RPGRIP1: variants seen among roughly 807,000 people sequenced by gnomAD.
RPGRIP1 encodes RPGR interacting protein 1.
A neutral mutation model predicts 157.9 loss-of-function variants in RPGRIP1; 128 were observed. The ratio of observed to expected loss-of-function variants is 0.81; its 90% confidence interval spans 0.70 to 0.94. The LOEUF (loss-of-function observed/expected upper bound fraction) is 0.94. RPGRIP1 is among the 40% of genes least tolerant of loss of function. RPGRIP1 has a pLI of 0.00. For synonymous variants in RPGRIP1, 554 were observed against 571.6 expected, an observed-to-expected ratio of 0.97 and a Z score of 0.44; for missense variants, 1,486 against 1,545.8, an observed-to-expected ratio of 0.96 and a Z score of 0.65.
chr14:21,335,550 G>A (rs961609927), intron 21 of RPGRIP1, among the ~76,000 whole-genome samples: 1 of 152,136 alleles, frequency 6.6e-6, no homozygotes, highest in African/African-American at 2.4e-5. Context: ...AGAAAAAAAA[G>A]CCGGTTGCGG....
chr14:21,345,868 G>A (rs1433334825), intron 23 of RPGRIP1, among the ~76,000 whole-genome samples: 4 of 151,170 alleles, frequency 2.6e-5, no homozygotes, highest in East Asian at 2.0e-4. Flanking sequence ...TGTCCAGGCT[G>A]GAGTGCAGTG....
In RPGRIP1 at chr14:21,311,932, C is replaced by G; in HGVS notation, c.1039C>G (p.Leu347Val). Residue 347 changes from leucine (L) to valine (V), a missense_variant, in exon 9 of 25, where the codon CTG becomes GTG. By Grantham distance (32) the Leu-to-Val change is conservative (BLOSUM62 1). Coordinates refer to ENST00000400017, the MANE Select transcript of RPGRIP1 (RefSeq NM_020366.4). ...SKKAVSLKSQ[L>V]EDVSILQMTL... ...GAAGGCTGTGAGCTTGAAGAGCCAA[C>G]TGGAAGATGTGTCTATCTTGCAGAT... The G allele has an allele frequency of 6.2e-7, 1 of 1,613,356 alleles. No individual in the cohort carries two copies. The highest frequency in any genetic ancestry group is 8.5e-7 in the Non-Finnish European group (1 of 1,179,640).
chr14:21,310,589 C>A lies in RPGRIP1; in HGVS notation c.912C>A (p.Tyr304Ter). Residue 304 changes from tyrosine (Y) to a stop codon, truncating the protein, a stop_gained, in exon 8 of 25, where the codon TAC (tyrosine) becomes TAA (stop). Transcript: ENST00000400017. LOFTEE classifies it high-confidence loss of function. ...TAATAATTTCTTTCTTCCAGGCATA[C>A]GAAACCTTGCTCCAGAAGGTACTTA... ...KAQLTEVQEA[Y>*]ETLLQKNQGI... 1 of 1,442,920 alleles carries A rather than the reference C, an allele frequency of 6.9e-7. No homozygotes were observed. The highest frequency in any genetic ancestry group is 9.4e-7 in the Non-Finnish European group (1 of 1,065,278). 89.4% of individuals were successfully genotyped at this position (1,442,920 alleles called of 1,614,324 possible). A position where few individuals can be genotyped will look rare whatever the true frequency, so the allele number is the denominator to read the frequency against.
chr14:21,332,323 G>A (rs560037779), intron 20 of RPGRIP1, among the ~76,000 whole-genome samples: 3 of 152,166 alleles, frequency 2.0e-5, no homozygotes, highest in South Asian at 4.1e-4. Context: ...TCATGAGAAG[G>A]ATAATTTTTC....
At chr14:21,334,473 T>C in intron 20 of RPGRIP1, 132 bp from the exon 21 acceptor site, 4 of 692,500 alleles carry the variant, frequency 5.8e-6, no homozygotes, top group Non-Finnish European at 1.1e-5. Flanking sequence ...GTTTGATTCT[T>C]AGTAAGTGAA....
chr14:21,308,647 G>A (rs2139170309), intron 7 of RPGRIP1, among the ~76,000 whole-genome samples: 1 of 152,322 alleles, frequency 6.6e-6, no homozygotes, highest in Non-Finnish European at 1.5e-5. Flanking sequence ...AGGTGGAGCG[G>A]CTTTAAGGAG....
intron 3 of RPGRIP1, among the ~76,000 whole-genome samples, chr14:21,299,243 C>T (rs1226293960): frequency 1.3e-5 from 2 of 152,020 alleles, no homozygotes; most frequent in Non-Finnish European, 2.9e-5. Flanking sequence ...CTCAGGTGAT[C>T]CGCCCACCTC....
rs111468343 is a variant in RPGRIP1, at chr14:21,318,469, T to G, written c.1306+619T>G. ...GTTCAGTTTATTGAAAGTTTTCTTT[T>G]GTTTGGTTTGGTTTGGTTTTGTTTC... On this transcript the variant is annotated intron_variant, in intron 11 of 24. Coordinates refer to ENST00000400017, the MANE Select transcript of RPGRIP1 (RefSeq NM_020366.4). Among the ~76,000 whole-genome samples, 97 of 152,172 alleles carry G rather than the reference T, an allele frequency of 6.4e-4. 1 individual carries two copies. Among genetic ancestry groups the G allele is most frequent in the African/African-American group, 2.0e-3 (85 of 41,516 alleles).
chr14:21,346,171 G>A (rs1259259573), intron 23 of RPGRIP1, among the ~76,000 whole-genome samples: 1 of 152,072 alleles, frequency 6.6e-6, no homozygotes, highest in Non-Finnish European at 1.5e-5. Context: ...TAAAGTTTTA[G>A]GAAAGCTGGT....
chr14:21,323,192 C>T (rs12586823), intron 14 of RPGRIP1, among the ~76,000 whole-genome samples: 3,972 of 151,848 alleles, frequency 0.026, 168 homozygotes, highest in African/African-American at 0.091. Flanking sequence ...GAGGACGAGG[C>T]GGGCGGATTG....
intron 24 of RPGRIP1, among the ~76,000 whole-genome samples, chr14:21,348,725 G>T (rs1885826998): frequency 6.9e-6 from 1 of 144,694 alleles, no homozygotes; most frequent in Non-Finnish European, 1.5e-5. Flanking sequence ...GAGTGCAGTG[G>T]TGTGATCTCA....
At chr14:21,289,315 G>A (rs540128099) in intron 2 of RPGRIP1, among the ~76,000 whole-genome samples, 8 of 151,972 alleles carry the variant, frequency 5.3e-5, no homozygotes, top group Non-Finnish European at 8.8e-5. Context: ...GCGACAGAGC[G>A]AGACTCCATA....
chr14:21,281,357 T>C (rs1880118787), intron 1 of RPGRIP1, among the ~76,000 whole-genome samples: 1 of 152,278 alleles, frequency 6.6e-6, no homozygotes, highest in East Asian at 1.9e-4. Flanking sequence ...TTACCTCATA[T>C]GCTCATCAAT....
intron 22 of RPGRIP1, 123 bp from the exon 23 acceptor site, chr14:21,344,990 T>C: frequency 1.5e-6 from 1 of 682,358 alleles, no homozygotes; most frequent in South Asian, 1.6e-5. Flanking sequence ...CATGTTATTC[T>C]AGATCCAGGC....
intron 22 of RPGRIP1, among the ~76,000 whole-genome samples, chr14:21,344,599 C>CT (rs1256019440): frequency 1.3e-5 from 2 of 152,126 alleles, no homozygotes; most frequent in Admixed American, 6.6e-5. Context: ...TGCATGAAAT[C>CT]TTTTTTTCCT....
intron 2 of RPGRIP1, among the ~76,000 whole-genome samples, chr14:21,292,940 A>G (rs1880596970): frequency 6.6e-6 from 1 of 151,250 alleles, no homozygotes; most frequent in South Asian, 2.1e-4. Flanking sequence ...AGGTCAAGAG[A>G]TGGAGACCAT....
At chr14:21,285,523 TGAACTC>T (rs1880268364) in intron 1 of RPGRIP1, among the ~76,000 whole-genome samples, 1 of 150,828 alleles carries the variant, frequency 6.6e-6, no homozygotes, top group Admixed American at 6.6e-5. Flanking sequence ...GAGAATCACT[TGAACTC>T]GGGAGGTGGA....
intron 1 of RPGRIP1, among the ~76,000 whole-genome samples, chr14:21,287,696 T>G (rs778441111): frequency 1.3e-5 from 2 of 152,096 alleles, no homozygotes; most frequent in Non-Finnish European, 2.9e-5. Context: ...AAAAAAATGA[T>G]CCGAAATGAT....
chr14:21,314,748 G>A (rs182454343), intron 10 of RPGRIP1, among the ~76,000 whole-genome samples: 2 of 150,106 alleles, frequency 1.3e-5, no homozygotes, highest in Non-Finnish European at 3.0e-5. Flanking sequence ...GCAGCTGGGC[G>A]CAGTGGCTCA....
Sources: gnomAD v4.1 joint callset for allele counts (sites outside exome capture counted in the v4.1 genomes callset) on GRCh38, gnomAD v4.1.1 for gene constraint, MANE v1.5 for transcripts, NCBI Gene and HGNC (gene_info 2026-07-23, HGNC 2026-07-21) for gene names.